Variants in OPCML observed in about 807,000 individuals in gnomAD.
The protein encoded by OPCML is opioid-binding protein/cell adhesion molecule.
A neutral mutation model predicts 37.8 loss-of-function variants in OPCML; 13 were observed. That is an observed-to-expected ratio of 0.34 (90% CI 0.22 to 0.55). The LOEUF is 0.55. OPCML is among the 20% of genes least tolerant of loss of function. OPCML has a pLI of 0.91. For synonymous variants in OPCML, 176 were observed against 168.8 expected (o/e 1.04, Z -0.33); for missense variants, 341 against 435.6 (o/e 0.78, Z 1.93).
At chr11:132,447,261 T>C (rs1317859494) in intron 4 of OPCML, among the ~76,000 whole-genome samples, 1 of 152,180 alleles carries the variant, frequency 6.6e-6, no homozygotes, top group Non-Finnish European at 1.5e-5. Context: ...AGTTAGGTTT[T>C]CCTGGGATAG....
chr11:132,572,926 A>T (rs940587556), intron 3 of OPCML, among the ~76,000 whole-genome samples: 1 of 151,872 alleles, frequency 6.6e-6, no homozygotes, highest in African/African-American at 2.4e-5. Flanking sequence ...AATTTCATTT[A>T]TCGATCTTTT....
chr11:132,613,975 G>T (rs1938826660), intron 3 of OPCML, among the ~76,000 whole-genome samples: 1 of 152,074 alleles, frequency 6.6e-6, no homozygotes, highest in Non-Finnish European at 1.5e-5. Context: ...TATTTTCCGT[G>T]TAGTAATCAG....
Position 133,468,976 on chromosome 11 carries a change from C to A in OPCML, c.61+63288G>T, listed in dbSNP as rs11223480. ...AGGGAAAAATGGTAGGATAGTCACC[C>A]GGGAACTGAAGGCTGTGGCTGCTGC... On this transcript the variant is annotated intron_variant, in intron 1 of 7. Coordinates refer to ENST00000524381, the MANE Select transcript of OPCML (RefSeq NM_001012393.5). 3.4e-3 allele frequency among the ~76,000 whole-genome samples: 513 copies of A among 152,234 alleles called. 12 individuals are homozygous for A. The East Asian group carries it at 0.058, about 17-fold the overall frequency.
At chr11:132,627,720 G>T (rs1253314515) in intron 3 of OPCML, among the ~76,000 whole-genome samples, 1 of 152,180 alleles carries the variant, frequency 6.6e-6, no homozygotes, top group Non-Finnish European at 1.5e-5. Flanking sequence ...TGGCAATAGT[G>T]ATTAAGTTCT....
Position 133,422,280 on chromosome 11 carries a change from A to G in OPCML, c.61+109984T>C, listed in dbSNP as rs2136896868. 2.2e-5 allele frequency: 22 copies of G among 984,630 alleles called. No homozygotes were observed. The South Asian group carries it at 8.9e-4, about 40-fold the overall frequency. 61.0% of individuals were successfully genotyped at this position (984,630 alleles called of 1,614,324 possible). A position where few individuals can be genotyped will look rare whatever the true frequency, so the allele number is the denominator to read the frequency against. ...TGACAAGTGTGTCGTGGGACTCACC[A>G]CTAAACACGAAGATATGGGGCAAGA... is the stretch of plus-strand genomic sequence containing the variant. On this transcript the variant is annotated intron_variant, in intron 1 of 7. Transcript: ENST00000524381.
chr11:133,390,380 G>A (rs1207714013), intron 1 of OPCML, among the ~76,000 whole-genome samples: 2 of 152,108 alleles, frequency 1.3e-5, no homozygotes, highest in Admixed American at 6.5e-5. Flanking sequence ...GGAAAATGGC[G>A]TGAACCCGGG....
intron 1 of OPCML, among the ~76,000 whole-genome samples, chr11:133,144,872 A>T (rs183191002): frequency 2.0e-5 from 3 of 152,366 alleles, no homozygotes; most frequent in Admixed American, 2.0e-4. Context: ...AATCAAAAAC[A>T]ATACACAGAC....
At chr11:132,550,749 A>G (rs1443749062) in intron 3 of OPCML, among the ~76,000 whole-genome samples, 1 of 152,192 alleles carries the variant, frequency 6.6e-6, no homozygotes, top group Non-Finnish European at 1.5e-5. Flanking sequence ...CTGCCAGAGG[A>G]ACCTGAGTCC....
Position 133,458,564 on chromosome 11 carries a change from C to T in OPCML, c.61+73700G>A, listed in dbSNP as rs1455288546. Among the ~76,000 whole-genome samples, 2 of 107,856 alleles carry T rather than the reference C, an allele frequency of 1.9e-5. 1 individual carries two copies. The highest frequency in any genetic ancestry group is 3.2e-5 in the Non-Finnish European group (2 of 62,916). The allele number at this position is 107,856 out of a possible 152,430, so 70.8% of individuals were successfully genotyped here. On this transcript the variant is annotated intron_variant, in intron 1 of 7. Transcript: ENST00000524381. ...ATATATACACGTGTGTGTGTATACA[C>T]ATATATACACGTGTGTGTACACATA...
intron 3 of OPCML, among the ~76,000 whole-genome samples, chr11:132,605,057 A>C (rs1482114409): frequency 6.6e-6 from 1 of 152,190 alleles, no homozygotes; most frequent in Non-Finnish European, 1.5e-5. Flanking sequence ...TAAAGTTAAA[A>C]TACTAAGAAT....
intron 1 of OPCML, among the ~76,000 whole-genome samples, chr11:133,248,875 C>T (rs898252400): frequency 2.0e-5 from 3 of 152,128 alleles, no homozygotes; most frequent in African/African-American, 7.2e-5. Flanking sequence ...GAGTGGACTA[C>T]TGAGGCGAAG....
At chr11:133,452,101 T>C (rs991038552) in intron 1 of OPCML, among the ~76,000 whole-genome samples, 2 of 151,662 alleles carry the variant, frequency 1.3e-5, no homozygotes, top group African/African-American at 2.4e-5. Context: ...TCAAAATTAC[T>C]AGACTACCAA....
chr11:132,465,134 C>T (rs928540279), intron 4 of OPCML, among the ~76,000 whole-genome samples: 1 of 152,154 alleles, frequency 6.6e-6, no homozygotes, highest in Non-Finnish European at 1.5e-5. Flanking sequence ...AATGCTCCCC[C>T]TTGTGACAGG....
At chr11:133,145,386 G>A (rs149571456) in intron 1 of OPCML, among the ~76,000 whole-genome samples, 3 of 152,268 alleles carry the variant, frequency 2.0e-5, no homozygotes, top group Admixed American at 2.0e-4. Flanking sequence ...GGCAATTGTA[G>A]CAAGACAGAA....
intron 1 of OPCML, among the ~76,000 whole-genome samples, chr11:132,997,561 C>T (rs1286774297): frequency 6.6e-6 from 1 of 151,790 alleles, no homozygotes; most frequent in Non-Finnish European, 1.5e-5. Flanking sequence ...CCATCCACGC[C>T]GCAATGCTGG....
intron 2 of OPCML, among the ~76,000 whole-genome samples, chr11:132,688,118 C>T (rs1176479528): frequency 6.6e-6 from 1 of 151,590 alleles, no homozygotes; most frequent in African/African-American, 2.4e-5. Flanking sequence ...TTTTGGATAA[C>T]AAAACATGTA....
intron 1 of OPCML, among the ~76,000 whole-genome samples, chr11:133,021,353 G>A (rs182018057): frequency 3.6e-4 from 55 of 152,272 alleles, no homozygotes; most frequent in African/African-American, 1.2e-3. Context: ...CAAACGTCAA[G>A]TGGACACCCC....
At chr11:132,741,775 C>T (rs559270641) in intron 2 of OPCML, among the ~76,000 whole-genome samples, 2 of 151,882 alleles carry the variant, frequency 1.3e-5, no homozygotes, top group South Asian at 2.1e-4. Flanking sequence ...GCATGTAATC[C>T]CAGCACTTTG....
intron 4 of OPCML, among the ~76,000 whole-genome samples, chr11:132,478,207 T>A (rs1462898506): frequency 6.6e-6 from 1 of 152,210 alleles, no homozygotes; most frequent in Non-Finnish European, 1.5e-5. Context: ...TACCAATTGT[T>A]CTAAGTTTAA....
Sources: gnomAD v4.1 joint callset for allele counts (sites outside exome capture counted in the v4.1 genomes callset) on GRCh38, gnomAD v4.1.1 for gene constraint, MANE v1.5 for transcripts, NCBI Gene and HGNC (gene_info 2026-07-23, HGNC 2026-07-21) for gene names.